Variants in GULP1 observed in about 807,000 individuals in gnomAD.
The protein encoded by GULP1 is GULP PTB domain containing engulfment adaptor 1, also known as PTB domain-containing engulfment adapter protein 1.
Under a neutral mutation model 40.9 loss-of-function variants are expected in GULP1, and 19 were observed. The ratio of observed to expected loss-of-function variants is 0.46; its 90% CI spans 0.32 to 0.68. The LOEUF is 0.68. GULP1 is among the 30% of genes least tolerant of loss of function. The pLI, the probability that GULP1 is intolerant of heterozygous loss-of-function variation, is 0.03. For synonymous variants in GULP1, 119 were observed against 117.6 expected (o/e 1.01, Z -0.08); for missense variants, 312 against 362.2 (o/e 0.86, Z 1.12).
chr2:188,551,253 A>G (rs1047054752), intron 7 of GULP1, among the ~76,000 whole-genome samples: 1 of 151,588 alleles, frequency 6.6e-6, no homozygotes, highest in African/African-American at 2.4e-5. Flanking sequence ...TCTACTATCA[A>G]ACATTGAATT....
At chr2:188,513,456 T>C (rs747825225) in intron 4 of GULP1, among the ~76,000 whole-genome samples, 1 of 152,138 alleles carries the variant, frequency 6.6e-6, no homozygotes, top group African/African-American at 2.4e-5. Flanking sequence ...TATATAGTAA[T>C]TGATGAGGTT....
At chr2:188,582,450 C>G (rs1253818323) in intron 9 of GULP1, 1 of 471,626 alleles carries the variant, frequency 2.1e-6, no homozygotes, top group Non-Finnish European at 4.4e-6. Flanking sequence ...TCTTCCATCT[C>G]TGTCACTCCT....
intron 1 of GULP1, among the ~76,000 whole-genome samples, chr2:188,361,421 AAG>A (rs143546797): frequency 3.9e-4 from 59 of 149,720 alleles, no homozygotes; most frequent in Non-Finnish European, 4.2e-4. Context: ...GGCAGGAGAG[AAG>A]AGAGAGAGAG....
At chr2:188,446,161 A>C (rs1420999507) in intron 2 of GULP1, among the ~76,000 whole-genome samples, 3 of 152,144 alleles carry the variant, frequency 2.0e-5, no homozygotes, top group African/African-American at 4.8e-5. Context: ...TTTTTCATGC[A>C]ATAAAATGAG....
chr2:188,456,932 CA>C (rs2059316808), intron 2 of GULP1, among the ~76,000 whole-genome samples: 1 of 152,096 alleles, frequency 6.6e-6, no homozygotes, highest in Non-Finnish European at 1.5e-5. Context: ...GGAGTCAAAA[CA>C]GATCATTTTG....
intron 1 of GULP1, among the ~76,000 whole-genome samples, chr2:188,382,418 T>C (rs138939157): frequency 1.3e-5 from 2 of 152,278 alleles, no homozygotes; most frequent in African/African-American, 2.4e-5. Context: ...ATCTCTGTGT[T>C]GGTAGGAGGT....
intron 2 of GULP1, among the ~76,000 whole-genome samples, chr2:188,406,194 A>G (rs2053070409): frequency 6.6e-6 from 1 of 152,222 alleles, no homozygotes; most frequent in Non-Finnish European, 1.5e-5. Context: ...ATATACCTAT[A>G]TGGTATAGCC....
intron 1 of GULP1, among the ~76,000 whole-genome samples, chr2:188,359,247 T>G (rs73978226): frequency 4.4e-4 from 66 of 151,424 alleles, no homozygotes; most frequent in African/African-American, 1.6e-3. Flanking sequence ...TTTATTGAGT[T>G]ATACTTATAT....
At chr2:188,510,671 T>G (rs1051835351) in intron 4 of GULP1, among the ~76,000 whole-genome samples, 1 of 152,184 alleles carries the variant, frequency 6.6e-6, no homozygotes, top group East Asian at 1.9e-4. Context: ...ATATATTATA[T>G]GTGTAGATAT....
At chr2:188,449,383 C>A (rs983174543) in intron 2 of GULP1, among the ~76,000 whole-genome samples, 1 of 152,098 alleles carries the variant, frequency 6.6e-6, no homozygotes, top group Non-Finnish European at 1.5e-5. Context: ...TTGTATTCCC[C>A]TCCTCCCCCA....
At chr2:188,410,924 T>C (rs1357132404) in intron 2 of GULP1, among the ~76,000 whole-genome samples, 2 of 152,170 alleles carry the variant, frequency 1.3e-5, no homozygotes, top group African/African-American at 4.8e-5. Context: ...TAACTTAAAG[T>C]AGATACAGAG....
At chr2:188,557,026 A>G (rs1381863195) in intron 7 of GULP1, among the ~76,000 whole-genome samples, 1 of 151,250 alleles carries the variant, frequency 6.6e-6, no homozygotes, top group Admixed American at 6.6e-5. Context: ...TCTGTCTCAA[A>G]AAAAAAAAAA....
At chr2:188,372,429 A>G (rs1183461861) in intron 1 of GULP1, among the ~76,000 whole-genome samples, 1 of 152,008 alleles carries the variant, frequency 6.6e-6, no homozygotes, top group African/African-American at 2.4e-5. Context: ...ATGCAAGTGC[A>G]CTCTGACATC....
At chr2:188,359,823 G>A (rs2045860169) in intron 1 of GULP1, among the ~76,000 whole-genome samples, 1 of 152,086 alleles carries the variant, frequency 6.6e-6, no homozygotes, top group African/African-American at 2.4e-5. Flanking sequence ...GTAGGACTTA[G>A]AAAACTGAAC....
At chr2:188,419,706 A>G (rs947043540) in intron 2 of GULP1, among the ~76,000 whole-genome samples, 2 of 151,768 alleles carry the variant, frequency 1.3e-5, no homozygotes, top group South Asian at 4.2e-4. Context: ...AGAGCTTTTT[A>G]GTTTGATGTA....
Position 188,309,839 on chromosome 2 carries a change from A to G in GULP1, c.-172+17673A>G, listed in dbSNP as rs548221403. ...CTATGCAGACTTTCATTCATTCAAC[A>G]TACTTTTTAAAGCTTATTTTTTGCT... On this transcript the variant is annotated intron_variant, in intron 1 of 11. Transcript: ENST00000409830. Among the ~76,000 whole-genome samples the G allele has an allele frequency of 2.6e-5, 4 of 152,342 alleles. No homozygotes were observed. The South Asian group carries it at 8.3e-4, about 32-fold the overall frequency.
chr2:188,522,887 T>G, intron 5 of GULP1, 60 bp downstream of exon 5: 1 of 1,037,312 alleles, frequency 9.6e-7, no homozygotes, highest in Non-Finnish European at 1.5e-6. Flanking sequence ...TTTCAGCAGA[T>G]TGATGGAGAT....
At chr2:188,350,404 C>T (rs888050403) in intron 1 of GULP1, among the ~76,000 whole-genome samples, 3 of 152,038 alleles carry the variant, frequency 2.0e-5, no homozygotes, top group African/African-American at 2.4e-5. Context: ...ACACATTTCG[C>T]ACTTTTTTGT....
Position 188,529,184 on chromosome 2 carries a change from C to T in GULP1, c.250C>T (p.Pro84Ser), listed in dbSNP as rs376744592. 1.3e-6 allele frequency: 2 copies of T among 1,508,470 alleles called. No homozygotes were observed. The highest frequency in any genetic ancestry group is 1.8e-6 in the Non-Finnish European group (2 of 1,096,092). 93.4% of individuals were successfully genotyped at this position (1,508,470 alleles called of 1,614,324 possible). The change falls in exon 6 of 12, where the codon CCC (proline) becomes TCC (serine). Residue 84 changes from proline (P) to serine (S), a missense_variant. Physicochemically the swap from Pro to Ser is moderately conservative, Grantham distance 74. Transcript: ENST00000409830. ...ISIYGVKILE[P>S]KTKEVQHNCQ... Reference sequence around the variant, plus strand: ...AATTTATGGAGTAAAAATTCTAGAACCCAAAACAAAGGTAAGGCTTTTTTT... The same window carrying T: ...AATTTATGGAGTAAAAATTCTAGAATCCAAAACAAAGGTAAGGCTTTTTTT...
Sources: allele counts gnomAD v4.1 joint callset (sites outside exome capture counted in the v4.1 genomes callset), GRCh38; gene constraint gnomAD v4.1.1; transcripts MANE v1.5; gene names NCBI Gene and HGNC (gene_info 2026-07-23, HGNC 2026-07-21).